Variants in LYPLAL1 observed in about 807,000 individuals in gnomAD.
LYPLAL1 encodes the protein lysophospholipase-like protein 1.
A neutral mutation model predicts 19.7 loss-of-function variants in LYPLAL1; 23 were observed. The ratio of observed to expected loss-of-function variants is 1.17; its 90% confidence interval spans 0.84 to 1.65. The LOEUF (loss-of-function observed/expected upper bound fraction) is 1.65. Ranked by LOEUF, LYPLAL1 falls within the 40% of genes most tolerant of loss-of-function variation. The pLI is 0.00. For missense variants in LYPLAL1, 355 were observed against 279.4 expected, an observed-to-expected ratio of 1.27 and a Z score of -1.93; for synonymous variants, 119 against 96.3, an observed-to-expected ratio of 1.24 and a Z score of -1.38.
the LYPLAL1 span, among the ~76,000 whole-genome samples, chr1:219,303,132 A>G: frequency 6.6e-6 from 1 of 152,222 alleles, no homozygotes; most frequent in African/African-American, 2.4e-5. Flanking sequence ...TATCTTCCCT[A>G]GGTCTTCCCT....
the LYPLAL1 span, among the ~76,000 whole-genome samples, chr1:219,290,359 G>C: frequency 1.3e-5 from 2 of 152,126 alleles, no homozygotes; most frequent in Non-Finnish European, 2.9e-5. Flanking sequence ...TGCATTCCCA[G>C]GACGTTAGTT....
the LYPLAL1 span, among the ~76,000 whole-genome samples, chr1:219,414,648 T>TA: frequency 1.3e-5 from 2 of 152,222 alleles, no homozygotes; most frequent in Non-Finnish European, 2.9e-5. Context: ...TATTTCGTGG[T>TA]TTTAATACAT....
downstream of LYPLAL1, among the ~76,000 whole-genome samples, chr1:219,217,379 G>GGGGTGTGTGTGTGTGTGTGTGTGTGT (rs1553304603): frequency 1.2e-4 from 16 of 134,134 alleles, no homozygotes; most frequent in African/African-American, 3.7e-4. Context: ...TGCCAGGTTT[G>GGGGTGTGTGTGTGTGTGTGTGTGTGT]GTGTGTGTGT....
At chr1:219,184,865 C>T (rs1656596902) in intron 2 of LYPLAL1, among the ~76,000 whole-genome samples, 1 of 151,832 alleles carries the variant, frequency 6.6e-6, no homozygotes, top group Non-Finnish European at 1.5e-5. Flanking sequence ...TGTCTGTGTT[C>T]ATGAGGAATA....
chr1:219,190,811 A>G (rs1419145997), intron 2 of LYPLAL1, among the ~76,000 whole-genome samples: 4 of 151,664 alleles, frequency 2.6e-5, no homozygotes, highest in African/African-American at 9.7e-5. Flanking sequence ...TCAGTCAGCA[A>G]TTCCACTTAT....
At chr1:219,244,911 CAA>C in the LYPLAL1 span, among the ~76,000 whole-genome samples, 1 of 123,138 alleles carries the variant, frequency 8.1e-6, no homozygotes, top group Admixed American at 8.4e-5. Flanking sequence ...CATGCCACTG[CAA>C]AAAAAAAAAA....
chr1:219,315,217 C>T, the LYPLAL1 span, among the ~76,000 whole-genome samples: 1 of 152,068 alleles, frequency 6.6e-6, no homozygotes, highest in East Asian at 1.9e-4. Flanking sequence ...TTGTAAGAAT[C>T]GTTAAGACGA....
the LYPLAL1 span, among the ~76,000 whole-genome samples, chr1:219,221,255 C>T: frequency 6.6e-6 from 1 of 152,132 alleles, no homozygotes. Flanking sequence ...CAGATTTCAG[C>T]TTAGCCGAAG....
the LYPLAL1 span, among the ~76,000 whole-genome samples, chr1:219,421,669 T>C: frequency 6.6e-6 from 1 of 151,992 alleles, no homozygotes; most frequent in Admixed American, 6.6e-5. Flanking sequence ...CTACAAGATA[T>C]ATAAGTAGTG....
intron 3 of LYPLAL1, among the ~76,000 whole-genome samples, chr1:219,204,830 T>C (rs1472834775): frequency 6.6e-6 from 1 of 152,152 alleles, no homozygotes; most frequent in Non-Finnish European, 1.5e-5. Flanking sequence ...GATAATTCGT[T>C]GTTAAGAGAG....
the LYPLAL1 span, among the ~76,000 whole-genome samples, chr1:219,251,890 T>C: frequency 2.6e-5 from 4 of 152,132 alleles, no homozygotes; most frequent in African/African-American, 7.2e-5. Flanking sequence ...TTTAGTGATA[T>C]TGATTTTTCC....
chr1:219,408,705 T>C, the LYPLAL1 span, among the ~76,000 whole-genome samples: 11 of 151,926 alleles, frequency 7.2e-5, no homozygotes, highest in Non-Finnish European at 1.6e-4. Flanking sequence ...AGATGAACCA[T>C]GAATGACAGG....
At chr1:219,370,370 C>T in the LYPLAL1 span, among the ~76,000 whole-genome samples, 1 of 152,178 alleles carries the variant, frequency 6.6e-6, no homozygotes, top group East Asian at 1.9e-4. Flanking sequence ...TGACTCAGAC[C>T]TTCCTCTTTA....
At chr1:219,265,717 C>G in the LYPLAL1 span, among the ~76,000 whole-genome samples, 1 of 152,068 alleles carries the variant, frequency 6.6e-6, no homozygotes, top group African/African-American at 2.4e-5. Context: ...CTTTCACAAA[C>G]CTAGGTGGTA....
the LYPLAL1 span, among the ~76,000 whole-genome samples, chr1:219,301,978 T>A: frequency 6.6e-6 from 1 of 151,758 alleles, no homozygotes; most frequent in Non-Finnish European, 1.5e-5. Flanking sequence ...AAAGACAGAA[T>A]GAAAAAGAGA....
the LYPLAL1 span, among the ~76,000 whole-genome samples, chr1:219,381,419 A>G: frequency 9.9e-5 from 15 of 152,246 alleles, no homozygotes; most frequent in African/African-American, 3.1e-4. Flanking sequence ...CAATCAGCCC[A>G]TTTTCTTCAC....
the LYPLAL1 span, among the ~76,000 whole-genome samples, chr1:219,281,943 C>T: frequency 2.0e-5 from 3 of 152,162 alleles, no homozygotes; most frequent in African/African-American, 7.2e-5. Flanking sequence ...GTAGTTCCAG[C>T]AGTATTTTAG....
the LYPLAL1 span, among the ~76,000 whole-genome samples, chr1:219,441,703 G>A: frequency 6.6e-6 from 1 of 152,192 alleles, no homozygotes; most frequent in Non-Finnish European, 1.5e-5. Flanking sequence ...CATCATTGGA[G>A]TCATCTGCTC....
the LYPLAL1 span, among the ~76,000 whole-genome samples, chr1:219,369,593 C>A: frequency 3.9e-5 from 6 of 152,150 alleles, no homozygotes; most frequent in Non-Finnish European, 8.8e-5. Flanking sequence ...ATATTTTAAG[C>A]CTTGTACGTG....
Sources: gnomAD v4.1 joint callset for allele counts (sites outside exome capture counted in the v4.1 genomes callset) on GRCh38, gnomAD v4.1.1 for gene constraint, MANE v1.5 for transcripts, NCBI Gene and HGNC (gene_info 2026-07-23, HGNC 2026-07-21) for gene names.